SLC38A11: variants seen among roughly 807,000 people sequenced by gnomAD.
SLC38A11 encodes the protein putative sodium-coupled neutral amino acid transporter 11.
A neutral mutation model predicts 49.4 loss-of-function variants in SLC38A11; 51 were observed. The ratio of observed to expected loss-of-function variants is 1.03; its 90% confidence interval spans 0.83 to 1.30. The LOEUF is 1.30. Ranked by LOEUF, SLC38A11 falls within the 50% of genes most tolerant of loss-of-function variation. SLC38A11 has a pLI of 0.00. For missense variants in SLC38A11, 574 were observed against 556.2 expected, an observed-to-expected ratio of 1.03 and a Z score of -0.32; for synonymous variants, 203 against 192.9, an observed-to-expected ratio of 1.05 and a Z score of -0.43.
chr2:164,905,952 G>T (rs1437245785), intron 11 of SLC38A11, among the ~76,000 whole-genome samples: 1 of 152,020 alleles, frequency 6.6e-6, no homozygotes, highest in Non-Finnish European at 1.5e-5. Flanking sequence ...GTATAATAGA[G>T]AATATTTAAT....
chr2:164,932,815 T>A (rs1687098570), intron 7 of SLC38A11, among the ~76,000 whole-genome samples: 1 of 152,024 alleles, frequency 6.6e-6, no homozygotes, highest in Non-Finnish European at 1.5e-5. Context: ...GACGAAATAA[T>A]CGGTACAACA....
intron 7 of SLC38A11, among the ~76,000 whole-genome samples, chr2:164,935,158 A>G (rs988662257): frequency 3.3e-5 from 5 of 150,156 alleles, no homozygotes; most frequent in African/African-American, 1.2e-4. Flanking sequence ...ATCACCTTGT[A>G]CTGTCATTGA....
chr2:164,913,570 C>T (rs932594108), intron 9 of SLC38A11, among the ~76,000 whole-genome samples: 1 of 151,958 alleles, frequency 6.6e-6, no homozygotes. Flanking sequence ...AGGGGGAAAA[C>T]GGCATTAAAA....
rs75843377 is a variant in SLC38A11, at chr2:164,914,081, G to A, written c.850+1031C>T. Among the ~76,000 whole-genome samples, 1,233 of 152,096 alleles carry A rather than the reference G, an allele frequency of 8.1e-3. 11 individuals carry two copies. The highest frequency in any genetic ancestry group is 0.013 in the Non-Finnish European group (859 of 67,968). ...GACCAAAACAGGGCAGGCAGAAAGA[G>A]GATGGAAAGAAAACTGAACTTAAGA... On this transcript the variant is annotated intron_variant, in intron 9 of 11. Coordinates refer to ENST00000685975, the MANE Select transcript of SLC38A11 (RefSeq NM_001351537.2).
At chr2:164,909,078 CCTT>C (rs1347037843) in intron 10 of SLC38A11, among the ~76,000 whole-genome samples, 1 of 152,082 alleles carries the variant, frequency 6.6e-6, no homozygotes, top group African/African-American at 2.4e-5. Context: ...GTTATCTTAT[CCTT>C]CTTTCTTGAG....
intron 5 of SLC38A11, among the ~76,000 whole-genome samples, chr2:164,940,140 T>C (rs1687657873): frequency 1.3e-5 from 2 of 150,308 alleles, no homozygotes; most frequent in South Asian, 2.1e-4. Context: ...AAGCAACATA[T>C]TGGATAGAGA....
intron 11 of SLC38A11, among the ~76,000 whole-genome samples, chr2:164,907,310 G>A (rs947537206): frequency 1.9e-5 from 2 of 106,052 alleles, no homozygotes; most frequent in African/African-American, 7.5e-5. Flanking sequence ...GTCTCACTCT[G>A]TTGCCCAGGC....
chr2:164,935,881 C>T (rs2105494428), intron 7 of SLC38A11, among the ~76,000 whole-genome samples: 1 of 152,116 alleles, frequency 6.6e-6, no homozygotes, highest in Middle Eastern at 3.4e-3. Context: ...GACTGGAGCC[C>T]TTATAAGAAG....
chr2:164,898,428 GCAGT>G lies in SLC38A11; in HGVS notation c.*5_*8del, dbSNP rs1173327360. On this transcript the variant is annotated 3_prime_UTR_variant, in exon 12 of 12. Transcript: ENST00000685975. ...CTATGAAAACATACATATTTTTAAA[GCAGT>G]CAACTCATTGAAAGATACTAATATT... The G allele has an allele frequency of 6.3e-7, 1 of 1,582,296 alleles. No homozygotes were observed. The highest frequency in any genetic ancestry group is 8.7e-7 in the Non-Finnish European group (1 of 1,153,530).
intron 10 of SLC38A11, 55 bp from the exon 11 acceptor site, chr2:164,908,826 T>C: frequency 6.5e-7 from 1 of 1,544,954 alleles, no homozygotes; most frequent in South Asian, 1.2e-5. Context: ...GCAGGATTTA[T>C]TGAGGGAGTA....
At chr2:164,916,420 A>T (rs1320292451) in intron 7 of SLC38A11, among the ~76,000 whole-genome samples, 1 of 152,116 alleles carries the variant, frequency 6.6e-6, no homozygotes, top group Non-Finnish European at 1.5e-5. Context: ...AAATTTATTG[A>T]GAGAGGTAAA....
intron 10 of SLC38A11, among the ~76,000 whole-genome samples, chr2:164,909,200 C>A (rs963204730): frequency 3.9e-5 from 6 of 152,060 alleles, no homozygotes; most frequent in African/African-American, 1.4e-4. Flanking sequence ...GTGTAATATC[C>A]TTTACTAACA....
At position 164,952,706 on chromosome 2, in the gene SLC38A11, C is replaced by A. The variant is rs1310562731; in HGVS notation, c.229+1G>T. ...AAATAAGAAATTATATAGTATTTTACCTGTAACATATGAAACCCAGAATAA... is the reference window on the plus strand; with the variant it reads ...AAATAAGAAATTATATAGTATTTTAACTGTAACATATGAAACCCAGAATAA... On this transcript the variant is annotated splice_donor_variant, in intron 3 of 11. Transcript: ENST00000685975. LOFTEE classifies it high-confidence loss of function. 3 of 1,600,018 alleles carry A rather than the reference C, an allele frequency of 1.9e-6. No individual in the cohort carries two copies. In the African/African-American group the frequency reaches 4.0e-5, roughly 21 times the overall value.
intron 11 of SLC38A11, among the ~76,000 whole-genome samples, chr2:164,905,305 A>AT: frequency 6.6e-6 from 1 of 151,436 alleles, no homozygotes; most frequent in East Asian, 1.9e-4. Flanking sequence ...TTTTTTTGGT[A>AT]TTTTTTAGTA....
intron 7 of SLC38A11, among the ~76,000 whole-genome samples, chr2:164,925,500 C>A (rs1237384539): frequency 3.3e-5 from 5 of 152,150 alleles, no homozygotes; most frequent in African/African-American, 1.2e-4. Flanking sequence ...TTTTCCACAT[C>A]ACCCTCTCCG....
chr2:164,947,672 A>G (rs1186230698), intron 3 of SLC38A11, among the ~76,000 whole-genome samples: 1 of 152,136 alleles, frequency 6.6e-6, no homozygotes, highest in Non-Finnish European at 1.5e-5. Context: ...CTCTATCCAT[A>G]TTTCTCCAAT....
chr2:164,926,095 C>CT (rs1686561398), intron 7 of SLC38A11, among the ~76,000 whole-genome samples: 1 of 152,144 alleles, frequency 6.6e-6, no homozygotes, highest in South Asian at 2.1e-4. Flanking sequence ...AAATGGAATC[C>CT]TTTTGCCTGG....
Position 164,898,655 on chromosome 2 carries a change from T to G in SLC38A11, c.1171A>C (p.Thr391Pro). The G allele has an allele frequency of 6.2e-7, 1 of 1,613,540 alleles. No individual in the cohort carries two copies. The highest frequency in any genetic ancestry group is 8.5e-7 in the Non-Finnish European group (1 of 1,179,696). The change falls in exon 12 of 12, where the codon ACA becomes CCA. Residue 391 changes from threonine (T) to proline (P), a missense_variant. Coordinates refer to ENST00000685975, the MANE Select transcript of SLC38A11 (RefSeq NM_001351537.2). ...CAAGACATAATCTTATCGGAGTGTG[T>G]CCTTGGTTCTTCAGACAGTTTCAGA... ...CYLKLSEEPR[T>P]HSDKIMSCVM... is the part of the protein sequence containing the mutation.
intron 7 of SLC38A11, among the ~76,000 whole-genome samples, chr2:164,936,838 CT>C (rs140947421): frequency 0.23 from 34,703 of 151,864 alleles, 4,986 homozygotes; most frequent in South Asian, 0.44. Flanking sequence ...AACATTTTAC[CT>C]CACCAAATAA....
Sources: allele counts gnomAD v4.1 joint callset (sites outside exome capture counted in the v4.1 genomes callset), GRCh38; gene constraint gnomAD v4.1.1; transcripts MANE v1.5; gene names NCBI Gene and HGNC (gene_info 2026-07-23, HGNC 2026-07-21).